The following IMMP2L variants were observed in gnomAD, a reference collection of about 807,000 sequenced individuals.
The protein encoded by IMMP2L is mitochondrial inner membrane protease subunit 2.
Under a neutral mutation model 19.3 loss-of-function variants are expected in IMMP2L, and 18 were observed. The ratio of observed to expected loss-of-function variants is 0.93; its 90% CI spans 0.64 to 1.38. The LOEUF (loss-of-function observed/expected upper bound fraction) is 1.38, where lower values mean the gene tolerates loss of function less well. Among genes scored for constraint, IMMP2L ranks in the 40% most tolerant of loss-of-function variants. The pLI is 0.00. For missense variants in IMMP2L, 233 were observed against 218.2 expected (o/e 1.07, Z -0.43); for synonymous variants, 76 against 73.0 (o/e 1.04, Z -0.21).
chr7:110,861,069 T>TTGTGTGTG (rs754363475), intron 5 of IMMP2L, among the ~76,000 whole-genome samples: 151 of 129,090 alleles, frequency 1.2e-3, no homozygotes, highest in African/African-American at 2.2e-3. Flanking sequence ...CACCAGCAGT[T>TTGTGTGTG]TGTGTGTGTG....
intron 5 of IMMP2L, among the ~76,000 whole-genome samples, chr7:110,667,019 C>T (rs2130275987): frequency 6.6e-6 from 1 of 152,190 alleles, no homozygotes; most frequent in Admixed American, 6.5e-5. Context: ...CTACGGGCAC[C>T]AGCCACCACG....
intron 3 of IMMP2L, chr7:111,483,407 T>C (rs1441971374): frequency 6.6e-6 from 1 of 152,042 alleles, no homozygotes; most frequent in Non-Finnish European, 1.5e-5. Flanking sequence ...CACTATGAGT[T>C]TGTAAATCAC....
chr7:110,980,256 C>A (rs539078702), intron 3 of IMMP2L, among the ~76,000 whole-genome samples: 4 of 72,844 alleles, frequency 5.5e-5, no homozygotes, highest in Non-Finnish European at 1.2e-4. Context: ...TTTTAGGAGT[C>A]TCGCTCTGTC....
chr7:111,540,087 T>C (rs1329313601), intron 1 of IMMP2L, among the ~76,000 whole-genome samples: 3 of 152,316 alleles, frequency 2.0e-5, no homozygotes, highest in Non-Finnish European at 2.9e-5. Context: ...ATGTTTCATA[T>C]ACTGTAAACA....
chr7:111,288,093 T>C (rs1820695517), intron 3 of IMMP2L, among the ~76,000 whole-genome samples: 1 of 152,174 alleles, frequency 6.6e-6, no homozygotes, highest in Admixed American at 6.5e-5. Context: ...TGGTTTTCGT[T>C]CTTACTGTTG....
At chr7:111,013,309 A>G (rs1825170485) in intron 3 of IMMP2L, among the ~76,000 whole-genome samples, 1 of 152,158 alleles carries the variant, frequency 6.6e-6, no homozygotes, top group East Asian at 1.9e-4. Flanking sequence ...TATGTTTCTG[A>G]CTGAAGGAGG....
intron 5 of IMMP2L, among the ~76,000 whole-genome samples, chr7:110,723,685 T>C (rs527927373): frequency 1.3e-5 from 2 of 152,268 alleles, no homozygotes; most frequent in East Asian, 3.9e-4. Context: ...TTTCAAGAGA[T>C]ATTTACTGGA....
chr7:110,746,054 A>C (rs1188084578), intron 5 of IMMP2L, among the ~76,000 whole-genome samples: 1 of 152,212 alleles, frequency 6.6e-6, no homozygotes, highest in Non-Finnish European at 1.5e-5. Context: ...GGGATGGAGG[A>C]ATATTTACCA....
chr7:111,521,840 C>T (rs1158413605), intron 1 of IMMP2L, among the ~76,000 whole-genome samples: 1 of 152,052 alleles, frequency 6.6e-6, no homozygotes, highest in East Asian at 1.9e-4. Context: ...TGTGGCTGCC[C>T]AACTAAAGAC....
chr7:110,685,084 A>T (rs12540895), intron 5 of IMMP2L, among the ~76,000 whole-genome samples: 32,619 of 151,990 alleles, frequency 0.21, 3,609 homozygotes, highest in Admixed American at 0.27. Context: ...GTCTCAACTC[A>T]AACTAATCCA....
intron 5 of IMMP2L, among the ~76,000 whole-genome samples, chr7:110,703,636 C>T (rs1331488667): frequency 6.6e-6 from 1 of 151,998 alleles, no homozygotes; most frequent in Non-Finnish European, 1.5e-5. Context: ...CTATGAAAAG[C>T]AATGGGGAAC....
intron 3 of IMMP2L, among the ~76,000 whole-genome samples, chr7:111,204,831 T>C (rs924704894): frequency 6.6e-6 from 1 of 152,216 alleles, no homozygotes; most frequent in African/African-American, 2.4e-5. Context: ...CTTTTATTGA[T>C]GTAGTCATTA....
chr7:111,148,073 T>TAG (rs1202173005), intron 3 of IMMP2L, among the ~76,000 whole-genome samples: 2 of 152,126 alleles, frequency 1.3e-5, no homozygotes, highest in East Asian at 3.8e-4. Flanking sequence ...CATAGTAACA[T>TAG]TATTCATATC....
At chr7:111,044,585 A>G (rs933175646) in intron 3 of IMMP2L, among the ~76,000 whole-genome samples, 1 of 152,098 alleles carries the variant, frequency 6.6e-6, no homozygotes, top group South Asian at 2.1e-4. Context: ...TAAAAATAAA[A>G]TTGTACACAC....
intron 3 of IMMP2L, among the ~76,000 whole-genome samples, chr7:111,191,227 C>A (rs1156345325): frequency 6.6e-6 from 1 of 151,876 alleles, no homozygotes; most frequent in Non-Finnish European, 1.5e-5. Flanking sequence ...AAAAAATATT[C>A]TTTGAACATT....
intron 5 of IMMP2L, among the ~76,000 whole-genome samples, chr7:110,694,195 GA>G (rs201604392): frequency 2.0e-5 from 3 of 149,938 alleles, no homozygotes; most frequent in South Asian, 2.1e-4. Flanking sequence ...TTTGAACAAA[GA>G]AAAAAAAATA....
At chr7:111,055,736 G>T (rs1372398944) in intron 3 of IMMP2L, among the ~76,000 whole-genome samples, 1 of 152,220 alleles carries the variant, frequency 6.6e-6, no homozygotes, top group Non-Finnish European at 1.5e-5. Flanking sequence ...GACATAATGG[G>T]TAGAGGGATG....
At chr7:111,017,000 T>G (rs539281417) in intron 3 of IMMP2L, among the ~76,000 whole-genome samples, 15 of 130,134 alleles carry the variant, frequency 1.2e-4, no homozygotes, top group Non-Finnish European at 1.6e-4. Flanking sequence ...TTACATATAT[T>G]ATATATAAAC....
At chr7:111,537,552 T>C (rs1327235465) in intron 1 of IMMP2L, among the ~76,000 whole-genome samples, 1 of 130,586 alleles carries the variant, frequency 7.7e-6, no homozygotes, top group African/African-American at 3.3e-5. Flanking sequence ...TTTTTTTTTT[T>C]TGAGACAGGG....
Sources: gnomAD v4.1 joint callset for allele counts (sites outside exome capture counted in the v4.1 genomes callset) on GRCh38, gnomAD v4.1.1 for gene constraint, MANE v1.5 for transcripts, NCBI Gene and HGNC (gene_info 2026-07-23, HGNC 2026-07-21) for gene names.